The following KCNK2 variants were observed in gnomAD, a reference collection of about 807,000 sequenced individuals.
KCNK2 encodes the protein potassium two pore domain channel subfamily K member 2, also known as potassium channel subfamily K member 2.
KCNK2 carries 21 observed loss-of-function variants against 40.5 expected under a neutral mutation model. The observed-to-expected ratio is 0.52, with a 90% confidence interval of 0.37 to 0.75. The LOEUF is 0.75. KCNK2 is among the 30% of genes least tolerant of loss of function. The pLI, the probability that KCNK2 is intolerant of heterozygous loss-of-function variation, is 0.00. For synonymous variants in KCNK2, 191 were observed against 202.2 expected, an observed-to-expected ratio of 0.94 and a Z score of 0.47; for missense variants, 399 against 531.6, an observed-to-expected ratio of 0.75 and a Z score of 2.45.
At chr1:215,207,241 G>A (rs954714527) in intron 6 of KCNK2, among the ~76,000 whole-genome samples, 6 of 152,148 alleles carry the variant, frequency 3.9e-5, no homozygotes, top group African/African-American at 1.4e-4. Flanking sequence ...GAGCATTACT[G>A]CCTGAGCTCT....
At chr1:215,076,211 G>A (rs1658922098) in intron 1 of KCNK2, among the ~76,000 whole-genome samples, 1 of 152,128 alleles carries the variant, frequency 6.6e-6, no homozygotes, top group African/African-American at 2.4e-5. Context: ...AATAATTTGT[G>A]TATCAGGTCT....
At chr1:215,018,557 C>T (rs1052589813) in intron 1 of KCNK2, among the ~76,000 whole-genome samples, 9 of 151,856 alleles carry the variant, frequency 5.9e-5, no homozygotes, top group South Asian at 4.2e-4. Flanking sequence ...TCTTTAAAAA[C>T]GATAGTTAAA....
chr1:215,231,147 C>T (rs1161732915), intron 6 of KCNK2, among the ~76,000 whole-genome samples: 1 of 152,080 alleles, frequency 6.6e-6, no homozygotes, highest in East Asian at 1.9e-4. Context: ...CATTCTTTGT[C>T]CAACTTATTG....
At chr1:215,171,969 T>A in intron 4 of KCNK2, 28 bp from the exon 5 acceptor site, 5 of 1,489,580 alleles carry the variant, frequency 3.4e-6, no homozygotes, top group Non-Finnish European at 4.7e-6. Context: ...TATATATATA[T>A]ACACACACCT....
intron 1 of KCNK2, among the ~76,000 whole-genome samples, chr1:215,047,910 A>C (rs1237385525): frequency 2.0e-5 from 3 of 152,214 alleles, no homozygotes; most frequent in Non-Finnish European, 4.4e-5. Flanking sequence ...CACTGTGCAG[A>C]GTTTGAAAGT....
chr1:215,061,432 G>T (rs189301020), intron 1 of KCNK2, among the ~76,000 whole-genome samples: 4 of 152,140 alleles, frequency 2.6e-5, no homozygotes, highest in Non-Finnish European at 4.4e-5. Flanking sequence ...TCCTCTTAAA[G>T]GGACTTTGGT....
intron 2 of KCNK2, among the ~76,000 whole-genome samples, chr1:215,106,065 C>T (rs1660427951): frequency 6.6e-6 from 1 of 151,906 alleles, no homozygotes; most frequent in Non-Finnish European, 1.5e-5. Context: ...GTGGATGTGT[C>T]TTTTTGGTAG....
chr1:215,190,157 A>G (rs1287162140), intron 5 of KCNK2, among the ~76,000 whole-genome samples: 2 of 152,212 alleles, frequency 1.3e-5, no homozygotes, highest in Admixed American at 1.3e-4. Flanking sequence ...ACAGAAAAAG[A>G]AAATTATATT....
chr1:215,050,372 C>T (rs1452622), intron 1 of KCNK2, among the ~76,000 whole-genome samples: 129,525 of 152,148 alleles, frequency 0.85, 55,397 homozygotes, highest in East Asian at 0.99. Context: ...CTTGCAGTGT[C>T]ATGTCATAAC....
intron 6 of KCNK2, among the ~76,000 whole-genome samples, chr1:215,211,628 G>A (rs903600314): frequency 6.6e-6 from 1 of 152,160 alleles, no homozygotes; most frequent in African/African-American, 2.4e-5. Context: ...CAAGTGACAT[G>A]CTGCTTAGCA....
chr1:215,088,009 A>G (rs1019728049), intron 2 of KCNK2, among the ~76,000 whole-genome samples: 8 of 152,196 alleles, frequency 5.3e-5, no homozygotes, highest in African/African-American at 1.9e-4. Flanking sequence ...CTGTTCACTT[A>G]TATACTGAAT....
At chr1:215,190,031 T>C (rs905474589) in intron 5 of KCNK2, among the ~76,000 whole-genome samples, 1 of 152,192 alleles carries the variant, frequency 6.6e-6, no homozygotes, top group Non-Finnish European at 1.5e-5. Context: ...TTTTAGAAAA[T>C]CAGAAGAGAT....
At chr1:215,119,870 GA>G (rs1661104046) in intron 2 of KCNK2, among the ~76,000 whole-genome samples, 1 of 152,158 alleles carries the variant, frequency 6.6e-6, no homozygotes, top group Non-Finnish European at 1.5e-5. Flanking sequence ...GAAGGCATTG[GA>G]AAAGTACTCT....
At chr1:215,080,063 A>C (rs1331068026), upstream of KCNK2, among the ~76,000 whole-genome samples, 1 of 152,204 alleles carries the variant, frequency 6.6e-6, no homozygotes, top group Non-Finnish European at 1.5e-5. Context: ...TGTGGAGGAC[A>C]ACTGCTATGT....
intron 1 of KCNK2, among the ~76,000 whole-genome samples, chr1:215,007,185 G>GTGTATATATATATATATATA (rs1398746959): frequency 3.2e-5 from 1 of 31,028 alleles, no homozygotes; most frequent in African/African-American, 1.2e-4. Context: ...ATGTGTGTGG[G>GTGTATATATATATATATATA]TATATATATA....
At chr1:215,210,403 A>C (rs1005823792) in intron 6 of KCNK2, among the ~76,000 whole-genome samples, 3 of 151,996 alleles carry the variant, frequency 2.0e-5, no homozygotes, top group African/African-American at 7.2e-5. Context: ...TTGAAGCTTC[A>C]TGAAGTGCAG....
intron 6 of KCNK2, among the ~76,000 whole-genome samples, chr1:215,206,001 A>G (rs572653923): frequency 6.6e-6 from 1 of 152,314 alleles, no homozygotes; most frequent in African/African-American, 2.4e-5. Flanking sequence ...AAGATTCACT[A>G]GTAGTTTTAG....
chr1:215,131,496 T>C (rs1256665303), intron 3 of KCNK2, among the ~76,000 whole-genome samples: 1 of 147,424 alleles, frequency 6.8e-6, no homozygotes, highest in African/African-American at 2.5e-5. Context: ...TGCAAATTAT[T>C]AATATATAAA....
chr1:215,120,911 CT>C (rs1234575650), intron 2 of KCNK2, among the ~76,000 whole-genome samples: 2 of 152,020 alleles, frequency 1.3e-5, no homozygotes, highest in Non-Finnish European at 2.9e-5. Context: ...AGTTTTATGT[CT>C]TTTTTTGTTT....
Sources: gnomAD v4.1 joint callset for allele counts (sites outside exome capture counted in the v4.1 genomes callset) on GRCh38, gnomAD v4.1.1 for gene constraint, MANE v1.5 for transcripts, NCBI Gene and HGNC (gene_info 2026-07-23, HGNC 2026-07-21) for gene names.